The following GML variants were observed in gnomAD, a reference collection of about 807,000 sequenced individuals.
GML encodes glycosyl-phosphatidylinositol-anchored molecule-like protein.
GML carries 5 observed loss-of-function variants against 8.2 expected under a neutral mutation model. The ratio of observed to expected loss-of-function variants is 0.61; its 90% CI spans 0.32 to 1.28. The LOEUF is 1.28. Ranked by LOEUF, GML falls within the 50% of genes most tolerant of loss-of-function variation. GML has a pLI of 0.06. For synonymous variants in GML, 72 were observed against 69.0 expected, an observed-to-expected ratio of 1.04 and a Z score of -0.22; for missense variants, 191 against 198.3, an observed-to-expected ratio of 0.96 and a Z score of 0.22.
At chr8:142,846,104 G>A (rs377460333) in intron 3 of GML, among the ~76,000 whole-genome samples, 80 of 152,304 alleles carry the variant, frequency 5.3e-4, no homozygotes, top group African/African-American at 1.8e-3. Context: ...ATTTCATTGC[G>A]TGTAGCTACA....
At chr8:142,842,064 C>T (rs758049831) in intron 3 of GML, among the ~76,000 whole-genome samples, 1 of 152,140 alleles carries the variant, frequency 6.6e-6, no homozygotes, top group Non-Finnish European at 1.5e-5. Flanking sequence ...TGGGAGGGAC[C>T]TGGTGGGAGG....
chr8:142,837,055 A>G (rs1816350917), intron 1 of GML, among the ~76,000 whole-genome samples: 1 of 152,168 alleles, frequency 6.6e-6, no homozygotes, highest in East Asian at 1.9e-4. Flanking sequence ...GCACTTTGGG[A>G]GGCTGAGGCA....
intron 3 of GML, among the ~76,000 whole-genome samples, chr8:142,843,105 C>T (rs932326450): frequency 2.6e-5 from 4 of 152,126 alleles, no homozygotes; most frequent in African/African-American, 9.7e-5. Context: ...ATTTCTGGGG[C>T]TGTGCAGGAT....
At chr8:142,846,306 A>AT (rs1816502777) in intron 3 of GML, 89 bp from the exon 4 acceptor site, 1 of 792,096 alleles carries the variant, frequency 1.3e-6, no homozygotes, top group Admixed American at 2.2e-5. Flanking sequence ...CATGGAGCTA[A>AT]TTATGGTTGA....
chr8:142,839,770 C>G (rs1816399033), intron 1 of GML, among the ~76,000 whole-genome samples: 1 of 152,186 alleles, frequency 6.6e-6, no homozygotes. Flanking sequence ...GGGGGCGTTT[C>G]TGAGCCCACA....
At chr8:142,839,543 C>T (rs1292006531) in intron 1 of GML, among the ~76,000 whole-genome samples, 1 of 152,152 alleles carries the variant, frequency 6.6e-6, no homozygotes, top group African/African-American at 2.4e-5. Flanking sequence ...GGGGCCTTCG[C>T]GTGAGGGGAG....
chr8:142,840,892 A>C (rs1487471602), intron 2 of GML, among the ~76,000 whole-genome samples: 1 of 152,118 alleles, frequency 6.6e-6, no homozygotes, highest in Non-Finnish European at 1.5e-5. Flanking sequence ...CGCTCTCTGG[A>C]GCCTGCGTTG....
intron 3 of GML, 36 bp downstream of exon 3, chr8:142,841,261 T>A (rs1563859027): frequency 1.9e-6 from 2 of 1,035,662 alleles, no homozygotes; most frequent in African/African-American, 1.6e-5. Context: ...ACATTGTAGA[T>A]TAGTCCCCTA....
chr8:142,839,733 C>T (rs752849954), intron 1 of GML, among the ~76,000 whole-genome samples: 2 of 152,182 alleles, frequency 1.3e-5, no homozygotes, highest in Non-Finnish European at 2.9e-5. Flanking sequence ...GAAAATGTCT[C>T]AGTTGTGGCA....
intron 3 of GML, among the ~76,000 whole-genome samples, chr8:142,842,532 G>T (rs1816447700): frequency 6.6e-6 from 1 of 152,216 alleles, no homozygotes; most frequent in South Asian, 2.1e-4. Context: ...TTGGCAAAAA[G>T]AGGAACTTGA....
intron 1 of GML, among the ~76,000 whole-genome samples, chr8:142,837,363 T>G (rs4736332): frequency 0.15 from 22,569 of 149,948 alleles, 2,054 homozygotes; most frequent in East Asian, 0.47. Context: ...TGTCTGAGTT[T>G]CATTGGCACT....
chr8:142,841,310 T>C lies in GML; in HGVS notation c.181+85T>C, dbSNP rs1586544542. The C allele has an allele frequency of 1.4e-5, 11 of 759,284 alleles. 1 individual carries two copies. The East Asian group carries it at 2.8e-4, about 19-fold the overall frequency. The allele number at this position is 759,284 out of a possible 1,614,324, so 47.0% of individuals were successfully genotyped here. On this transcript the variant is annotated intron_variant, in intron 3 of 3. Coordinates refer to ENST00000220940, the MANE Select transcript of GML (RefSeq NM_002066.3). The stretch of plus-strand genomic sequence containing the variant: ...TGGGGCCAGGGCCAGTCTGCTTTCT[T>C]CTCTGCACCCAGCTCTGTTTCCCCT...
intron 1 of GML, 107 bp from the exon 2 acceptor site, chr8:142,840,309 A>G: frequency 1.5e-6 from 1 of 687,900 alleles, no homozygotes; most frequent in Non-Finnish European, 2.6e-6. Context: ...GGAGGCATTC[A>G]GGTGGGCAGA....
intron 1 of GML, 167 bp downstream of exon 1, chr8:142,835,035 AC>A (rs1173717407): frequency 1.3e-5 from 2 of 150,128 alleles, no homozygotes; most frequent in African/African-American, 2.5e-5. Context: ...CCCCAGGGAG[AC>A]CCCCCGAACT....
intron 2 of GML, among the ~76,000 whole-genome samples, chr8:142,840,762 A>C (rs1475085555): frequency 6.6e-6 from 1 of 152,148 alleles, no homozygotes; most frequent in East Asian, 1.9e-4. Context: ...AGCGCCAGGC[A>C]GGAGGGGCTC....
chr8:142,840,826 T>A (rs1816420487), intron 2 of GML, among the ~76,000 whole-genome samples: 1 of 152,114 alleles, frequency 6.6e-6, no homozygotes, highest in Non-Finnish European at 1.5e-5. Flanking sequence ...CAGTCTTCCT[T>A]GGCGAGGTGA....
At position 142,846,077 on chromosome 8, in the gene GML, T is replaced by A. The variant is rs538977825; in HGVS notation, c.182-318T>A. 5.1e-4 allele frequency among the ~76,000 whole-genome samples: 78 copies of A among 152,288 alleles called. 1 individual carries two copies. In the South Asian group the frequency reaches 0.016, roughly 31 times the overall value. ...TTCTCGGGCTCTAGAATTCTTACCA[T>A]AAGAAATGAACAGGACATTTCATTG... On this transcript the variant is annotated intron_variant, in intron 3 of 3. Coordinates refer to ENST00000220940, the MANE Select transcript of GML (RefSeq NM_002066.3).
chr8:142,835,308 T>TC (rs1466415120), intron 1 of GML, among the ~76,000 whole-genome samples: 2 of 144,494 alleles, frequency 1.4e-5, no homozygotes. Flanking sequence ...CAGCTCAACT[T>TC]CCCTCGAGAG....
intron 1 of GML, among the ~76,000 whole-genome samples, chr8:142,837,299 C>CAAAAA (rs61251350): frequency 6.7e-6 from 1 of 148,438 alleles, no homozygotes; most frequent in Non-Finnish European, 1.5e-5. Flanking sequence ...GACTCTGTTT[C>CAAAAA]AAAAAAAGAA....
Sources: allele counts gnomAD v4.1 joint callset (sites outside exome capture counted in the v4.1 genomes callset), GRCh38; gene constraint gnomAD v4.1.1; transcripts MANE v1.5; gene names NCBI Gene and HGNC (gene_info 2026-07-23, HGNC 2026-07-21).